Variants in RYR2 observed in about 807,000 individuals in gnomAD.
RYR2 encodes the protein ryanodine receptor 2.
Under a neutral mutation model 601.1 loss-of-function variants are expected in RYR2, and 227 were observed. The observed-to-expected ratio is 0.38, with a 90% CI of 0.34 to 0.42. The LOEUF is 0.42. RYR2 is among the 10% of genes least tolerant of loss of function. The pLI is 1.00. For missense variants in RYR2, 4,646 were observed against 6,156.5 expected, an observed-to-expected ratio of 0.75 and a Z score of 8.21; for synonymous variants, 2,223 against 2,175.1, an observed-to-expected ratio of 1.02 and a Z score of -0.61.
chr1:237,123,582 C>G (rs1193062575), intron 1 of RYR2, among the ~76,000 whole-genome samples: 1 of 151,262 alleles, frequency 6.6e-6, no homozygotes, highest in African/African-American at 2.4e-5. Flanking sequence ...GTGGGGCCCT[C>G]TCTCTTAACA....
At chr1:237,549,967 G>A (rs966190127) in intron 26 of RYR2, among the ~76,000 whole-genome samples, 1 of 152,140 alleles carries the variant, frequency 6.6e-6, no homozygotes, top group African/African-American at 2.4e-5. Context: ...TAACATTGGA[G>A]CCTCTCGTAC....
chr1:237,631,476 G>T lies in RYR2; in HGVS notation c.6490G>T (p.Ala2164Ser). 6.2e-7 allele frequency: 1 copy of T among 1,613,746 alleles called. No individual in the cohort carries two copies. The highest frequency in any genetic ancestry group is 1.1e-5 in the South Asian group (1 of 91,044). Residue 2164 changes from alanine to serine, a missense_variant, in exon 42 of 105, where the codon GCA becomes TCA. Around this residue, in one of 17 missense-constraint regions of RYR2, gnomAD observed 137 missense variants for 273.6 expected, o/e 0.50. Coordinates refer to ENST00000366574, the MANE Select transcript of RYR2 (RefSeq NM_001035.3). ...TTACCAGCACCCTAATCTCATGAGGGCACTGGGGATGCACGAGACTGTGAT... is the reference window on the plus strand; with the variant it reads ...TTACCAGCACCCTAATCTCATGAGGTCACTGGGGATGCACGAGACTGTGAT... The part of the protein sequence containing the change: ...VFYQHPNLMR[A>S]LGMHETVMEV...
At chr1:237,193,159 T>A (rs1450747152) in intron 1 of RYR2, among the ~76,000 whole-genome samples, 8 of 1,558 alleles carry the variant, frequency 5.1e-3, no homozygotes, top group Admixed American at 9.6e-3. Flanking sequence ...CCGTCTCTGC[T>A]AAAAGTACAA....
intron 1 of RYR2, among the ~76,000 whole-genome samples, chr1:237,190,425 G>A (rs776564807): frequency 1.3e-5 from 2 of 152,094 alleles, no homozygotes; most frequent in Non-Finnish European, 2.9e-5. Context: ...TGTCTATCAA[G>A]TCCTTTGCCC....
intron 38 of RYR2, among the ~76,000 whole-genome samples, chr1:237,620,858 GA>G (rs1678998463): frequency 6.6e-6 from 1 of 152,068 alleles, no homozygotes; most frequent in Non-Finnish European, 1.5e-5. Context: ...TCAGTTGATA[GA>G]ACAGCTGAAC....
rs148211318 is a variant in RYR2 at position 237,631,835 on chromosome 1, A to G, written c.6555+294A>G. Among the ~76,000 whole-genome samples, 3,540 of 149,146 alleles carry G rather than the reference A, an allele frequency of 0.024. 64 individuals carry two copies. The highest frequency in any genetic ancestry group is 0.033 in the Non-Finnish European group (2,248 of 67,642). ...AGTAGAGACGGGGTTTCACTGTGTT[A>G]GCCAGGATGGTCTCGATCTCCTGAC... On this transcript the variant is annotated intron_variant, in intron 42 of 104. Transcript: ENST00000366574.
chr1:237,507,302 T>C (rs963570239), intron 23 of RYR2, among the ~76,000 whole-genome samples: 1 of 152,216 alleles, frequency 6.6e-6, no homozygotes, highest in Non-Finnish European at 1.5e-5. Context: ...TGAGAAACCA[T>C]GATTGCACAT....
chr1:237,405,593 C>T (rs1024296702), intron 10 of RYR2, among the ~76,000 whole-genome samples: 1 of 152,150 alleles, frequency 6.6e-6, no homozygotes, highest in African/African-American at 2.4e-5. Flanking sequence ...TGTTTTCCTT[C>T]TTACAGCCCA....
At chr1:237,414,035 A>C (rs1704694842) in intron 10 of RYR2, among the ~76,000 whole-genome samples, 1 of 152,040 alleles carries the variant, frequency 6.6e-6, no homozygotes, top group African/African-American at 2.4e-5. Context: ...ATTTGTTTCT[A>C]ATTTTTTTGT....
Position 237,590,978 on chromosome 1 carries a change from T to C in RYR2, c.4146T>C (p.Ser1382=). ...NHKDYAQEKP[S]RLKQRFLLRR... ...AAGATTATGCCCAGGAAAAGCCCTC[T>C]CGTCTGAAACAAAGGTTACTAATTT... Residue 1382 remains serine (S), a synonymous_variant, in exon 31 of 105, where the codon TCT becomes TCC. Transcript: ENST00000366574. 1 of 1,611,790 alleles carries C rather than the reference T, an allele frequency of 6.2e-7. No homozygotes were observed. The highest frequency in any genetic ancestry group is 8.5e-7 in the Non-Finnish European group (1 of 1,178,754).
intron 15 of RYR2, 83 bp from the exon 16 acceptor site, chr1:237,456,517 A>T: frequency 2.2e-6 from 3 of 1,368,784 alleles, no homozygotes; most frequent in Non-Finnish European, 2.9e-6. Flanking sequence ...TCTATTTTTA[A>T]ATCAACTTAG....
At chr1:237,564,697 G>A (rs1393466696) in intron 27 of RYR2, among the ~76,000 whole-genome samples, 1 of 152,184 alleles carries the variant, frequency 6.6e-6, no homozygotes, top group East Asian at 1.9e-4. Flanking sequence ...TAATAGGCAT[G>A]AGAATTTACC....
intron 6 of RYR2, among the ~76,000 whole-genome samples, chr1:237,369,857 G>T (rs1700499988): frequency 6.6e-6 from 1 of 152,104 alleles, no homozygotes. Flanking sequence ...TGATAGAGTA[G>T]TTTTAGGAGG....
chr1:237,530,632 T>A, intron 25 of RYR2, 122 bp downstream of exon 25: 1 of 769,600 alleles, frequency 1.3e-6, no homozygotes. Flanking sequence ...GATTCAAGGC[T>A]GGGTGCGGTG....
At position 237,042,411 on chromosome 1, in the gene RYR2, C is replaced by T; in HGVS notation, c.-111C>T. On this transcript the variant is annotated 5_prime_UTR_variant, in exon 1 of 105. Transcript: ENST00000366574. ...CGCTCGGCACCCGGCAGCGCGGCCC[C>T]CTCCAGCCCCCGGCTCCCGGCAGCA... 4 of 1,068,606 alleles carry T rather than the reference C, an allele frequency of 3.7e-6. No homozygotes were observed. The highest frequency in any genetic ancestry group is 4.7e-6 in the Non-Finnish European group (4 of 845,722). 66.2% of individuals were successfully genotyped at this position (1,068,606 alleles called of 1,614,324 possible). A position where few individuals can be genotyped will look rare whatever the true frequency, so the allele number is the denominator to read the frequency against.
chr1:237,786,065 T>A, intron 91 of RYR2, 29 bp downstream of exon 91: 2 of 1,406,086 alleles, frequency 1.4e-6, no homozygotes, highest in Non-Finnish European at 2.0e-6. Context: ...TACTTTTCCT[T>A]CGTTTCAGTT....
At chr1:237,281,801 G>C (rs1039891599) in intron 2 of RYR2, among the ~76,000 whole-genome samples, 2 of 152,232 alleles carry the variant, frequency 1.3e-5, no homozygotes, top group African/African-American at 4.8e-5. Flanking sequence ...AATAGGGATT[G>C]TGGTTTTGAT....
At chr1:237,465,002 C>G (rs1659907112) in intron 16 of RYR2, among the ~76,000 whole-genome samples, 1 of 152,086 alleles carries the variant, frequency 6.6e-6, no homozygotes, top group Non-Finnish European at 1.5e-5. Context: ...ATCTTCTTAA[C>G]TGACTGGATG....
chr1:237,529,877 G>A (rs12137167), intron 24 of RYR2, among the ~76,000 whole-genome samples: 9,902 of 151,558 alleles, frequency 0.065, 401 homozygotes, highest in Middle Eastern at 0.18. Flanking sequence ...GCCTTTAGAG[G>A]AAGGAAACAG....
Sources: gnomAD v4.1 joint callset for allele counts (sites outside exome capture counted in the v4.1 genomes callset) on GRCh38, gnomAD v4.1.1 for gene constraint, gnomAD v4.1.1 regional missense constraint, MANE v1.5 for transcripts, NCBI Gene and HGNC (gene_info 2026-07-23, HGNC 2026-07-21) for gene names.